Variants in CNTN4 observed in about 807,000 individuals in gnomAD.
The protein encoded by CNTN4 is contactin 4.
Under a neutral mutation model 122.5 loss-of-function variants are expected in CNTN4, and 77 were observed. The ratio of observed to expected loss-of-function variants is 0.63; its 90% CI spans 0.52 to 0.76. The LOEUF (loss-of-function observed/expected upper bound fraction) is 0.76. Among genes scored for constraint, CNTN4 ranks in the 30% least tolerant of loss-of-function variants. The pLI is 0.00. For synonymous variants in CNTN4, 512 were observed against 447.0 expected (o/e 1.15, Z -1.83); for missense variants, 1,256 against 1,259.1 (o/e 1.00, Z 0.04).
intron 3 of CNTN4, among the ~76,000 whole-genome samples, chr3:2,352,672 C>G (rs542982764): frequency 6.6e-6 from 1 of 152,300 alleles, no homozygotes; most frequent in African/African-American, 2.4e-5. Context: ...CGAGCTCCCC[C>G]ACGGTGGGCT....
intron 7 of CNTN4, among the ~76,000 whole-genome samples, chr3:2,860,096 G>C (rs2093657017): frequency 6.6e-6 from 1 of 152,146 alleles, no homozygotes; most frequent in African/African-American, 2.4e-5. Flanking sequence ...TAGTTGGAAG[G>C]CTTATTTTTA....
At chr3:2,615,883 A>G (rs969499737) in intron 4 of CNTN4, among the ~76,000 whole-genome samples, 8 of 152,154 alleles carry the variant, frequency 5.3e-5, no homozygotes, top group Non-Finnish European at 1.2e-4. Context: ...AGCTACCATC[A>G]AAAACAGGAT....
At chr3:2,615,518 T>C (rs2081681890) in intron 4 of CNTN4, among the ~76,000 whole-genome samples, 1 of 152,198 alleles carries the variant, frequency 6.6e-6, no homozygotes, top group African/African-American at 2.4e-5. Flanking sequence ...TATTCTTAAT[T>C]AAATCATTAA....
chr3:2,692,609 C>T (rs1475299335), intron 4 of CNTN4, among the ~76,000 whole-genome samples: 2 of 152,176 alleles, frequency 1.3e-5, no homozygotes, highest in African/African-American at 2.4e-5. Flanking sequence ...TCATGAACAG[C>T]TCTCTTTCTT....
chr3:2,382,079 T>C (rs894040437), intron 3 of CNTN4, among the ~76,000 whole-genome samples: 6 of 152,116 alleles, frequency 3.9e-5, no homozygotes, highest in African/African-American at 1.4e-4. Context: ...GCTAGAGATA[T>C]GTTTAAAGTG....
At chr3:2,651,436 C>G (rs1266786397) in intron 4 of CNTN4, among the ~76,000 whole-genome samples, 6 of 152,166 alleles carry the variant, frequency 3.9e-5, no homozygotes, top group African/African-American at 1.4e-4. Context: ...CGATCAGATT[C>G]TCATGGAACC....
chr3:2,980,978 C>T lies in CNTN4; in HGVS notation c.1359-7367C>T, dbSNP rs28575375. ...ACACGTGGCTGGCAAAGAGAAGGGA[C>T]GATGGAGCCACTATTTTAAACATGC... On this transcript the variant is annotated intron_variant, in intron 13 of 24. Coordinates refer to ENST00000418658, the MANE Select transcript of CNTN4 (RefSeq NM_175607.3). 6.3e-3 allele frequency among the ~76,000 whole-genome samples: 961 copies of T among 151,984 alleles called. 25 individuals carry two copies. The highest frequency in any genetic ancestry group is 0.029 in the Admixed American group (438 of 15,264).
intron 2 of CNTN4, among the ~76,000 whole-genome samples, chr3:2,206,301 T>A (rs754158612): frequency 6.0e-4 from 91 of 152,266 alleles, no homozygotes; most frequent in Non-Finnish European, 1.0e-3. Context: ...TCTTTGACAG[T>A]ATCTACAAAG....
chr3:2,428,566 T>C (rs1224335773), intron 3 of CNTN4, among the ~76,000 whole-genome samples: 1 of 152,190 alleles, frequency 6.6e-6, no homozygotes, highest in Non-Finnish European at 1.5e-5. Context: ...GTTGCTCTTC[T>C]CGAGGAGTAT....
At chr3:2,885,534 T>C (rs991820099) in intron 9 of CNTN4, among the ~76,000 whole-genome samples, 1 of 152,218 alleles carries the variant, frequency 6.6e-6, no homozygotes, top group African/African-American at 2.4e-5. Flanking sequence ...CAATAGGTTG[T>C]GTCTCCCAAA....
At chr3:2,895,166 A>C (rs982952684) in intron 10 of CNTN4, among the ~76,000 whole-genome samples, 1 of 152,080 alleles carries the variant, frequency 6.6e-6, no homozygotes, top group Non-Finnish European at 1.5e-5. Flanking sequence ...AGGAAAGATG[A>C]GGTTTCACCA....
At chr3:2,658,373 C>T (rs1388231435) in intron 4 of CNTN4, among the ~76,000 whole-genome samples, 1 of 152,104 alleles carries the variant, frequency 6.6e-6, no homozygotes, top group Non-Finnish European at 1.5e-5. Context: ...GGCCATGGGA[C>T]AGACAAGGAC....
At chr3:2,339,030 A>G (rs1048494782) in intron 2 of CNTN4, 148 bp from the exon 3 acceptor site, 3 of 152,182 alleles carry the variant, frequency 2.0e-5, no homozygotes, top group African/African-American at 7.2e-5. Flanking sequence ...CTGGAAATCT[A>G]TACCAAATGT....
chr3:2,814,243 C>CATATAAAG (rs953393787), intron 6 of CNTN4, among the ~76,000 whole-genome samples: 68 of 152,314 alleles, frequency 4.5e-4, no homozygotes, highest in African/African-American at 1.6e-3. Context: ...CAATGAACCA[C>CATATAAAG]ATATAAAGCT....
chr3:2,812,735 C>A (rs1024374798), intron 6 of CNTN4, among the ~76,000 whole-genome samples: 2 of 152,156 alleles, frequency 1.3e-5, no homozygotes, highest in Non-Finnish European at 1.5e-5. Context: ...TTGGACCAGG[C>A]AGCATCTTAA....
chr3:2,637,486 T>G (rs1006238204), intron 4 of CNTN4, among the ~76,000 whole-genome samples: 1 of 152,006 alleles, frequency 6.6e-6, no homozygotes, highest in Non-Finnish European at 1.5e-5. Flanking sequence ...CTTTGCCTTA[T>G]CTCTGAAACC....
chr3:2,177,109 A>G (rs2036781170), intron 2 of CNTN4, among the ~76,000 whole-genome samples: 1 of 152,160 alleles, frequency 6.6e-6, no homozygotes, highest in Admixed American at 6.6e-5. Flanking sequence ...GGAGATATGA[A>G]TAATACTAGA....
At chr3:2,249,899 C>A (rs1465747815) in intron 2 of CNTN4, among the ~76,000 whole-genome samples, 1 of 151,574 alleles carries the variant, frequency 6.6e-6, no homozygotes, top group Non-Finnish European at 1.5e-5. Flanking sequence ...TTTTCAAGAT[C>A]CCTATAGAGG....
intron 4 of CNTN4, among the ~76,000 whole-genome samples, chr3:2,652,171 A>G (rs1007005445): frequency 1.3e-5 from 2 of 152,064 alleles, no homozygotes; most frequent in Admixed American, 6.6e-5. Flanking sequence ...GTAGTGAACT[A>G]TGATTACACC....
Sources: allele counts gnomAD v4.1 joint callset (sites outside exome capture counted in the v4.1 genomes callset), GRCh38; gene constraint gnomAD v4.1.1; transcripts MANE v1.5; gene names NCBI Gene and HGNC (gene_info 2026-07-23, HGNC 2026-07-21).